The following TMEM45A variants were observed in gnomAD, a reference collection of about 807,000 sequenced individuals.
TMEM45A encodes transmembrane protein 45A.
TMEM45A carries 25 observed loss-of-function variants against 32.0 expected under a neutral mutation model. That is an observed-to-expected ratio of 0.78 (90% CI 0.57 to 1.09). TMEM45A has a LOEUF of 1.09. Ranked by LOEUF, TMEM45A falls within the 50% of genes least tolerant of loss-of-function variation. The pLI is 0.00. For missense variants in TMEM45A, 302 were observed against 325.0 expected, an observed-to-expected ratio of 0.93 and a Z score of 0.54; for synonymous variants, 122 against 114.8, an observed-to-expected ratio of 1.06 and a Z score of -0.40.
intron 5 of TMEM45A, among the ~76,000 whole-genome samples, chr3:100,569,488 G>T (rs1317843577): frequency 1.3e-5 from 2 of 152,184 alleles, no homozygotes; most frequent in African/African-American, 4.8e-5. Context: ...TGTTCCATAG[G>T]TGGGTAAGGA....
At chr3:100,520,341 C>T (rs556210053) in intron 1 of TMEM45A, among the ~76,000 whole-genome samples, 1 of 152,198 alleles carries the variant, frequency 6.6e-6, no homozygotes, top group African/African-American at 2.4e-5. Flanking sequence ...CCTTGTCTTC[C>T]TCTTGTTTAT....
intron 1 of TMEM45A, among the ~76,000 whole-genome samples, chr3:100,509,890 C>T (rs564165567): frequency 6.6e-6 from 1 of 152,274 alleles, no homozygotes; most frequent in African/African-American, 2.4e-5. Context: ...CACTCCCACC[C>T]GAATACTGCG....
chr3:100,556,913 T>A lies in TMEM45A; in HGVS notation c.344T>A (p.Ile115Asn), dbSNP rs978848074. 6.2e-7 allele frequency: 1 copy of A among 1,614,106 alleles called. No individual in the cohort carries two copies. The highest frequency in any genetic ancestry group is 1.3e-5 in the African/African-American group (1 of 74,940). The part of the protein sequence containing the change: ...LGVADILCFT[I>N]SSLPVSLTKL... ...GTGGCAGATATCTTATGTTTCACCA[T>A]CAGTTCACTTCCTGTGTCCTTAACC... is the stretch of plus-strand genomic sequence containing the variant. The change falls in exon 3 of 6, where the codon ATC (isoleucine) becomes AAC (asparagine). Residue 115 changes from isoleucine (I) to asparagine (N), a missense_variant. By Grantham distance (149) the Ile-to-Asn change is moderately radical. Transcript: ENST00000323523.
At chr3:100,500,224 A>G (rs199739651) in intron 1 of TMEM45A, among the ~76,000 whole-genome samples, 1 of 152,196 alleles carries the variant, frequency 6.6e-6, no homozygotes, top group East Asian at 1.9e-4. Context: ...ACATGGGACC[A>G]TATTTTATGC....
At chr3:100,501,024 A>G (rs917928320) in intron 1 of TMEM45A, among the ~76,000 whole-genome samples, 6 of 152,236 alleles carry the variant, frequency 3.9e-5, no homozygotes, top group African/African-American at 9.6e-5. Context: ...GCTTAAAAAC[A>G]CCTACACAAT....
At chr3:100,528,439 G>A (rs1705588277) in intron 1 of TMEM45A, among the ~76,000 whole-genome samples, 1 of 152,178 alleles carries the variant, frequency 6.6e-6, no homozygotes, top group African/African-American at 2.4e-5. Context: ...GACCTTCTGT[G>A]AAGTGAGGGC....
chr3:100,501,382 G>A (rs1313364722), intron 1 of TMEM45A, among the ~76,000 whole-genome samples: 2 of 152,208 alleles, frequency 1.3e-5, no homozygotes, highest in Admixed American at 6.5e-5. Context: ...GCTCCCCAGA[G>A]AGCTGATGGT....
At chr3:100,499,790 C>T (rs1054991941) in intron 1 of TMEM45A, among the ~76,000 whole-genome samples, 2 of 152,112 alleles carry the variant, frequency 1.3e-5, no homozygotes, top group African/African-American at 4.8e-5. Flanking sequence ...GCAGGAGAAT[C>T]ATTTGAGCCT....
intron 1 of TMEM45A, among the ~76,000 whole-genome samples, chr3:100,549,204 C>T (rs1198437738): frequency 2.0e-5 from 3 of 151,662 alleles, no homozygotes; most frequent in Non-Finnish European, 2.9e-5. Context: ...CTGAGATTGC[C>T]CCACTGCACT....
intron 4 of TMEM45A, among the ~76,000 whole-genome samples, chr3:100,564,473 T>TG (rs1706387522): frequency 7.0e-6 from 1 of 142,772 alleles, no homozygotes. Context: ...TTATTATTAT[T>TG]GTTTTTTTTT....
chr3:100,551,154 C>G (rs1002307017), intron 1 of TMEM45A, among the ~76,000 whole-genome samples: 3 of 151,920 alleles, frequency 2.0e-5, no homozygotes, highest in Non-Finnish European at 4.4e-5. Context: ...GCTGGGACTA[C>G]AGGTGCCCAC....
intron 1 of TMEM45A, among the ~76,000 whole-genome samples, chr3:100,549,300 A>C (rs11710281): frequency 0.36 from 54,686 of 151,776 alleles, 10,643 homozygotes; most frequent in Middle Eastern, 0.47. Context: ...AAACCAAACA[A>C]ACAAAAACAA....
rs114388295 is a variant in TMEM45A, at chr3:100,496,219, A to C, written c.-4+3291A>C. Reference sequence around the variant, plus strand: ...GATAATCATTTATTCTTCTCCCCGGATCCCTGGAACAGTCCATTATTCACA... The same window carrying C: ...GATAATCATTTATTCTTCTCCCCGGCTCCCTGGAACAGTCCATTATTCACA... On this transcript the variant is annotated intron_variant, in intron 1 of 5. Transcript: ENST00000323523. 9.2e-3 allele frequency among the ~76,000 whole-genome samples: 1,395 copies of C among 152,250 alleles called. 23 individuals carry two copies. Among genetic ancestry groups the C allele is most frequent in the African/African-American group, 0.032 (1,322 of 41,546 alleles).
intron 4 of TMEM45A, among the ~76,000 whole-genome samples, chr3:100,562,113 A>G (rs1706347877): frequency 6.6e-6 from 1 of 152,216 alleles, no homozygotes; most frequent in African/African-American, 2.4e-5. Flanking sequence ...GAAGATAATT[A>G]TTTAAATTTG....
At chr3:100,566,039 G>A (rs961470017) in intron 4 of TMEM45A, among the ~76,000 whole-genome samples, 1 of 152,092 alleles carries the variant, frequency 6.6e-6, no homozygotes, top group Admixed American at 6.6e-5. Context: ...GTGAACTTTT[G>A]TGTCTGGCTT....
intron 2 of TMEM45A, 143 bp from the exon 3 acceptor site, chr3:100,556,617 C>G: frequency 1.3e-6 from 1 of 779,044 alleles, no homozygotes; most frequent in Non-Finnish European, 2.1e-6. Flanking sequence ...TGCCAGTGCT[C>G]AGCTGTTAGG....
At position 100,568,923 on chromosome 3, in the gene TMEM45A, A is replaced by G. The variant is rs201197393; in HGVS notation, c.690A>G (p.Ala230=). Residue 230 remains alanine (A), a synonymous_variant, in exon 5 of 6, where the codon GCA becomes GCG. Coordinates refer to ENST00000323523, the MANE Select transcript of TMEM45A (RefSeq NM_018004.3). The part of the protein sequence containing the change: ...FLTICFCWHY[A]VTIVIVGMNY... ...CCATATGCTTTTGTTGGCATTATGC[A>G]GTAACCATTGTCATCGTTGGAATGA... 19 of 1,613,894 alleles carry G rather than the reference A, an allele frequency of 1.2e-5. No individual in the cohort carries two copies. Among genetic ancestry groups the G allele is most frequent in the Admixed American group, 8.3e-5 (5 of 60,010 alleles).
At chr3:100,569,057 T>G (rs6763638) in intron 5 of TMEM45A, 90 bp downstream of exon 5, 573,450 of 1,322,002 alleles carry the variant, frequency 0.43, 130,792 homozygotes, top group African/African-American at 0.76. Flanking sequence ...TTCAAAAGGG[T>G]ATTTCATTCC....
intron 4 of TMEM45A, among the ~76,000 whole-genome samples, chr3:100,559,340 A>G (rs918043636): frequency 6.6e-6 from 1 of 152,170 alleles, no homozygotes; most frequent in Admixed American, 6.5e-5. Flanking sequence ...GAGAACACAG[A>G]TTTGGGATAA....
Sources: allele counts gnomAD v4.1 joint callset (sites outside exome capture counted in the v4.1 genomes callset), GRCh38; gene constraint gnomAD v4.1.1; transcripts MANE v1.5; gene names NCBI Gene and HGNC (gene_info 2026-07-23, HGNC 2026-07-21).